Variants in LTBP1 observed in about 807,000 individuals in gnomAD.
LTBP1 encodes the protein latent-transforming growth factor beta-binding protein 1.
LTBP1 carries 129 observed loss-of-function variants against 207.6 expected under a neutral mutation model. The ratio of observed to expected loss-of-function variants is 0.62; its 90% CI spans 0.54 to 0.72. The LOEUF (loss-of-function observed/expected upper bound fraction) is 0.72. Ranked by LOEUF, LTBP1 falls within the 30% of genes least tolerant of loss-of-function variation. The pLI, the probability that LTBP1 is intolerant of heterozygous loss-of-function variation, is 0.00. For missense variants in LTBP1, 2,281 were observed against 2,217.2 expected (o/e 1.03, Z -0.58); for synonymous variants, 963 against 833.7 (o/e 1.16, Z -2.67).
At chr2:33,340,874 C>G (rs2094610800) in intron 24 of LTBP1, among the ~76,000 whole-genome samples, 2 of 151,964 alleles carry the variant, frequency 1.3e-5, no homozygotes, top group Non-Finnish European at 2.9e-5. Flanking sequence ...TACAGATAGA[C>G]TGTAATAGGA....
At chr2:33,104,132 G>A (rs953841557) in intron 3 of LTBP1, among the ~76,000 whole-genome samples, 1 of 152,110 alleles carries the variant, frequency 6.6e-6, no homozygotes, top group Non-Finnish European at 1.5e-5. Context: ...AATGGATTTA[G>A]TAGAAATATG....
chr2:32,985,558 C>A lies in LTBP1; in HGVS notation c.566-35351C>A, dbSNP rs72867837. 3.9e-3 allele frequency among the ~76,000 whole-genome samples: 587 copies of A among 152,306 alleles called. 4 individuals are homozygous for A. The highest frequency in any genetic ancestry group is 0.014 in the African/African-American group (568 of 41,564). On this transcript the variant is annotated intron_variant, in intron 2 of 33. Transcript: ENST00000404816. Reference sequence around the variant, plus strand: ...TCTAAGGGACAATGAGCCCTCTGACCTGGCTGCTGAGAGTCTGGATTTCCC... The same window carrying A: ...TCTAAGGGACAATGAGCCCTCTGACATGGCTGCTGAGAGTCTGGATTTCCC...
At chr2:33,055,374 A>G (rs1272928156) in intron 3 of LTBP1, among the ~76,000 whole-genome samples, 1 of 152,204 alleles carries the variant, frequency 6.6e-6, no homozygotes, top group Non-Finnish European at 1.5e-5. Flanking sequence ...TATGGTGGAC[A>G]TCATTGAATA....
chr2:33,345,097 G>A (rs941559732), intron 25 of LTBP1, among the ~76,000 whole-genome samples: 3 of 152,126 alleles, frequency 2.0e-5, no homozygotes, highest in Non-Finnish European at 2.9e-5. Context: ...CCTATGATAC[G>A]CACTTCACAC....
intron 9 of LTBP1, among the ~76,000 whole-genome samples, chr2:33,228,560 T>G (rs957040152): frequency 6.6e-6 from 1 of 152,200 alleles, no homozygotes; most frequent in African/African-American, 2.4e-5. Flanking sequence ...CCATATGCTA[T>G]GTACTTGGTT....
chr2:32,976,912 T>A (rs767276848), intron 2 of LTBP1, among the ~76,000 whole-genome samples: 1 of 152,166 alleles, frequency 6.6e-6, no homozygotes, highest in Non-Finnish European at 1.5e-5. Flanking sequence ...TAATGTTCTG[T>A]CTGGGTGCTT....
chr2:33,138,768 T>C (rs1420112100), intron 5 of LTBP1, among the ~76,000 whole-genome samples: 2 of 152,060 alleles, frequency 1.3e-5, no homozygotes, highest in Non-Finnish European at 2.9e-5. Flanking sequence ...ATTTGGTTTA[T>C]GTGAATCTAA....
chr2:33,260,865 G>A (rs1054522848), intron 13 of LTBP1, among the ~76,000 whole-genome samples: 1 of 152,096 alleles, frequency 6.6e-6, no homozygotes, highest in African/African-American at 2.4e-5. Context: ...CTTTATGATT[G>A]AATTTAATAA....
At position 33,365,265 on chromosome 2, in the gene LTBP1, C is replaced by T. The variant is rs2094971407; in HGVS notation, c.4541-68C>T. 8 of 1,388,630 alleles carry T rather than the reference C, an allele frequency of 5.8e-6. No homozygotes were observed. In the South Asian group the frequency reaches 1.0e-4, roughly 17 times the overall value. 86.0% of individuals were successfully genotyped at this position (1,388,630 alleles called of 1,614,324 possible). A position where few individuals can be genotyped will look rare whatever the true frequency, so the allele number is the denominator to read the frequency against. On this transcript the variant is annotated intron_variant, in intron 30 of 33. Coordinates refer to ENST00000404816, the MANE Select transcript of LTBP1 (RefSeq NM_206943.4). ...AGATGGAAACTTTGAGACTTGCTGG[C>T]TTCCAACACAGTGTTTATAAATAGG...
intron 2 of LTBP1, among the ~76,000 whole-genome samples, chr2:32,966,230 T>C (rs564288056): frequency 1.3e-5 from 2 of 152,312 alleles, no homozygotes; most frequent in East Asian, 3.9e-4. Flanking sequence ...TTTTGGATAA[T>C]GGTCCTTTAT....
chr2:33,396,941 A>G (rs1185804339), intron 32 of LTBP1, among the ~76,000 whole-genome samples, 192 bp from the exon 33 acceptor site: 1 of 152,244 alleles, frequency 6.6e-6, no homozygotes, highest in East Asian at 1.9e-4. Context: ...TGCACAAAAT[A>G]TACAAGTTTT....
intron 2 of LTBP1, among the ~76,000 whole-genome samples, chr2:32,984,691 C>T (rs910386622): frequency 4.0e-5 from 6 of 151,438 alleles, no homozygotes; most frequent in Admixed American, 2.0e-4. Context: ...GAGGCCGAGG[C>T]GGATGGATCA....
At chr2:33,133,109 G>C (rs1039799264) in intron 4 of LTBP1, among the ~76,000 whole-genome samples, 2 of 152,202 alleles carry the variant, frequency 1.3e-5, no homozygotes, top group African/African-American at 4.8e-5. Context: ...CAGTGGATGA[G>C]AGATGGTTGC....
rs918400123 is a variant in LTBP1, at chr2:33,201,635, A to T, written c.1701+12784A>T. Among the ~76,000 whole-genome samples the T allele has an allele frequency of 3.6e-5, 5 of 139,250 alleles. No homozygotes were observed. In the South Asian group the frequency reaches 6.8e-4, roughly 19 times the overall value. The allele number at this position is 139,250 out of a possible 152,430, so 91.4% of individuals were successfully genotyped here. ...CTAAAACTTAAAGTATAATGATAAT[A>T]AAAAAAAAGAAGAAGAAAAAAAAAG... On this transcript the variant is annotated intron_variant, in intron 7 of 33. Transcript: ENST00000404816.
chr2:33,070,360 G>A (rs1175556099), intron 3 of LTBP1, among the ~76,000 whole-genome samples: 1 of 152,252 alleles, frequency 6.6e-6, no homozygotes, highest in East Asian at 1.9e-4. Flanking sequence ...AACTGGGGCG[G>A]CATGCCCGTC....
intron 25 of LTBP1, among the ~76,000 whole-genome samples, chr2:33,344,062 T>C (rs776841897): frequency 2.6e-4 from 39 of 152,350 alleles, no homozygotes; most frequent in Middle Eastern, 3.4e-3. Flanking sequence ...TTGCCATCCA[T>C]ATTAAACTTG....
intron 5 of LTBP1, among the ~76,000 whole-genome samples, chr2:33,169,824 A>T (rs2085257584): frequency 6.6e-6 from 1 of 152,232 alleles, no homozygotes; most frequent in African/African-American, 2.4e-5. Flanking sequence ...AAATATATGG[A>T]TAACAAGATA....
At chr2:32,957,756 G>T (rs528107099) in intron 2 of LTBP1, among the ~76,000 whole-genome samples, 1 of 152,266 alleles carries the variant, frequency 6.6e-6, no homozygotes, top group Admixed American at 6.5e-5. Context: ...CCTTCCATTT[G>T]TAAGAAACAC....
chr2:33,115,222 A>G (rs1409453892), intron 4 of LTBP1, among the ~76,000 whole-genome samples: 1 of 152,190 alleles, frequency 6.6e-6, no homozygotes, highest in African/African-American at 2.4e-5. Context: ...AAACAAGCCA[A>G]GTGAAAGATT....
Sources: gnomAD v4.1 joint callset for allele counts (sites outside exome capture counted in the v4.1 genomes callset) on GRCh38, gnomAD v4.1.1 for gene constraint, MANE v1.5 for transcripts, NCBI Gene and HGNC (gene_info 2026-07-23, HGNC 2026-07-21) for gene names.